The following DPF3 variants were observed in gnomAD, a reference collection of about 807,000 sequenced individuals.
DPF3 encodes the protein zinc finger protein DPF3.
A neutral mutation model predicts 56.8 loss-of-function variants in DPF3; 18 were observed. The observed-to-expected ratio is 0.32, with a 90% CI of 0.22 to 0.47. The LOEUF is 0.47. DPF3 is among the 20% of genes least tolerant of loss of function. The probability of loss-of-function intolerance (pLI) is 1.00; values close to 1 mark genes in which losing one functional copy is unlikely to be tolerated. For synonymous variants in DPF3, 188 were observed against 180.2 expected, an observed-to-expected ratio of 1.04 and a Z score of -0.35; for missense variants, 403 against 488.8, an observed-to-expected ratio of 0.82 and a Z score of 1.65.
intron 1 of DPF3, among the ~76,000 whole-genome samples, chr14:72,861,977 T>C (rs1404292098): frequency 6.6e-6 from 1 of 152,242 alleles, no homozygotes; most frequent in East Asian, 1.9e-4. Flanking sequence ...ACCCATAGAC[T>C]GTAAGCTCTA....
At chr14:72,871,319 C>G (rs560089390) in intron 1 of DPF3, among the ~76,000 whole-genome samples, 1 of 152,284 alleles carries the variant, frequency 6.6e-6, no homozygotes, top group South Asian at 2.1e-4. Flanking sequence ...CAAAAGTCCC[C>G]CAAAGTCTTA....
chr14:72,652,080 C>G (rs1178758416), intron 8 of DPF3, among the ~76,000 whole-genome samples: 2 of 152,196 alleles, frequency 1.3e-5, no homozygotes. Context: ...AATAGGAACA[C>G]CCCCTACATC....
At position 72,612,583 on chromosome 14, in the gene DPF3, G is replaced by GAAAAACAGTGCAGGGAAGGGAGGAA. The variant is rs10649920; in HGVS notation, c.*6713_*6714insTTCCTCCCTTCCCTGCACTGTTTTT. The stretch of plus-strand genomic sequence containing the variant: ...ATCTATCACGGCAGAGGGAAGGGAG[G>GAAAAACAGTGCAGGGAAGGGAGGAA]AAACAGTGCAGGGAAGGGAGAGGGC... On this transcript the variant is annotated 3_prime_UTR_variant, in exon 11 of 11. Coordinates refer to ENST00000556509, the MANE Select transcript of DPF3 (RefSeq NM_001280542.3). 1.9e-6 allele frequency: 1 copy of GAAAAACAGTGCAGGGAAGGGAGGAA among 518,208 alleles called. No individual in the cohort carries two copies. The allele number at this position is 518,208 out of a possible 1,614,324, so 32.1% of individuals were successfully genotyped here.
At chr14:72,761,361 C>T (rs1891062782) in intron 2 of DPF3, among the ~76,000 whole-genome samples, 2 of 151,930 alleles carry the variant, frequency 1.3e-5, no homozygotes, top group Non-Finnish European at 2.9e-5. Flanking sequence ...GAATTTGAAC[C>T]ATAAAAATTA....
intron 1 of DPF3, among the ~76,000 whole-genome samples, chr14:72,867,990 C>T (rs1338360893): frequency 6.6e-6 from 1 of 152,130 alleles, no homozygotes; most frequent in African/African-American, 2.4e-5. Flanking sequence ...ATGTGGCTGC[C>T]TCGGCCTCCC....
chr14:72,645,295 ATT>A (rs202051547), intron 8 of DPF3, among the ~76,000 whole-genome samples: 11 of 142,722 alleles, frequency 7.7e-5, no homozygotes, highest in African/African-American at 1.5e-4. Flanking sequence ...CTAAGAAGGG[ATT>A]TTTTTTTTTT....
chr14:72,715,405 G>A (rs554988174), intron 5 of DPF3, among the ~76,000 whole-genome samples: 9 of 152,240 alleles, frequency 5.9e-5, no homozygotes, highest in Non-Finnish European at 8.8e-5. Context: ...TAGCACCCTC[G>A]CCTCTCCAGG....
chr14:72,772,948 A>G (rs555090808), intron 1 of DPF3, among the ~76,000 whole-genome samples: 1 of 152,302 alleles, frequency 6.6e-6, no homozygotes, highest in Admixed American at 6.5e-5. Flanking sequence ...GGAGCCACAG[A>G]GTTCACAGGG....
At chr14:72,676,920 G>A (rs1886936808) in intron 7 of DPF3, among the ~76,000 whole-genome samples, 1 of 152,178 alleles carries the variant, frequency 6.6e-6, no homozygotes, top group Admixed American at 6.5e-5. Context: ...ATTGAATCAG[G>A]AACTCTAATA....
chr14:72,646,796 C>T (rs776207726), intron 8 of DPF3, among the ~76,000 whole-genome samples: 19 of 152,234 alleles, frequency 1.2e-4, no homozygotes, highest in Non-Finnish European at 1.9e-4. Flanking sequence ...GCCATTTTGG[C>T]GACCCGGCTG....
At chr14:72,880,953 T>G (rs1886299990) in intron 1 of DPF3, among the ~76,000 whole-genome samples, 1 of 152,230 alleles carries the variant, frequency 6.6e-6, no homozygotes, top group Non-Finnish European at 1.5e-5. Context: ...CAGCCTCCAG[T>G]AGAGAAGGCA....
At chr14:72,654,968 TA>T (rs1429164323) in intron 8 of DPF3, among the ~76,000 whole-genome samples, 2 of 152,196 alleles carry the variant, frequency 1.3e-5, no homozygotes, top group Non-Finnish European at 2.9e-5. Flanking sequence ...CTACTTTAAC[TA>T]AAGAAGTTTT....
chr14:72,633,770 G>A (rs924493258), intron 8 of DPF3, among the ~76,000 whole-genome samples: 2 of 152,138 alleles, frequency 1.3e-5, no homozygotes, highest in African/African-American at 4.8e-5. Flanking sequence ...GTGCATCTGA[G>A]CTGTCTCTGT....
rs376999386 is a variant in DPF3 at position 72,798,338 on chromosome 14, T to C, written c.33-26445A>G. ...ACTTTTTGATGGTTTCTAGTGTTTT[T>C]ATAATATATCCTCTTAAGAGCCCCA... On this transcript the variant is annotated intron_variant, in intron 1 of 10. Coordinates refer to ENST00000556509, the MANE Select transcript of DPF3 (RefSeq NM_001280542.3). Among the ~76,000 whole-genome samples the C allele has an allele frequency of 2.0e-5, 3 of 152,030 alleles. No homozygotes were observed. The South Asian group carries it at 6.2e-4, about 32-fold the overall frequency.
intron 6 of DPF3, among the ~76,000 whole-genome samples, chr14:72,709,562 ACTT>A (rs1478520916): frequency 1.1e-4 from 17 of 152,308 alleles, no homozygotes; most frequent in African/African-American, 4.1e-4. Context: ...TCATTAATTA[ACTT>A]TGAAAATGCT....
At chr14:72,708,382 C>T (rs1422855513) in intron 6 of DPF3, among the ~76,000 whole-genome samples, 1 of 152,178 alleles carries the variant, frequency 6.6e-6, no homozygotes, top group Non-Finnish European at 1.5e-5. Flanking sequence ...AGCCCCGCTC[C>T]ACAAATCAAG....
Position 72,615,678 on chromosome 14 carries a change from C to A in DPF3, c.*3619G>T, listed in dbSNP as rs1884048209. Reference sequence around the variant, plus strand: ...GCCTGCCCAGGCTTCCGGCTTCCTACCTCGCCCTGGGGCAGGGACAGGAGC... The same window carrying A: ...GCCTGCCCAGGCTTCCGGCTTCCTAACTCGCCCTGGGGCAGGGACAGGAGC... On this transcript the variant is annotated 3_prime_UTR_variant, in exon 11 of 11. Transcript: ENST00000556509. 6.6e-6 allele frequency among the ~76,000 whole-genome samples: 1 copy of A among 152,246 alleles called. No homozygotes were observed. The highest frequency in any genetic ancestry group is 1.9e-4 in the East Asian group (1 of 5,190).
At chr14:72,846,078 GTTTAT>G (rs58779335) in intron 1 of DPF3, among the ~76,000 whole-genome samples, 46,699 of 133,288 alleles carry the variant, frequency 0.35, 8,287 homozygotes, top group Middle Eastern at 0.46. Context: ...TTATTTTACT[GTTTAT>G]TTTATTTTAT....
intron 6 of DPF3, among the ~76,000 whole-genome samples, chr14:72,693,949 C>G (rs1368247256): frequency 6.6e-6 from 1 of 152,250 alleles, no homozygotes; most frequent in African/African-American, 2.4e-5. Flanking sequence ...AGTGTAGTCA[C>G]CAAGAGCTTG....
Sources: allele counts gnomAD v4.1 joint callset (sites outside exome capture counted in the v4.1 genomes callset), GRCh38; gene constraint gnomAD v4.1.1; transcripts MANE v1.5; gene names NCBI Gene and HGNC (gene_info 2026-07-23, HGNC 2026-07-21).